Variants in ZNF254 observed in about 807,000 individuals in gnomAD.
ZNF254 encodes CTD-2017D11.1.
Under a neutral mutation model 12.4 loss-of-function variants are expected in ZNF254, and 10 were observed. The ratio of observed to expected loss-of-function variants is 0.80; its 90% CI spans 0.50 to 1.36. The LOEUF (loss-of-function observed/expected upper bound fraction) is 1.36, where lower values mean the gene tolerates loss of function less well. Among genes scored for constraint, ZNF254 ranks in the 40% most tolerant of loss-of-function variants. The pLI is 0.00. For missense variants in ZNF254, 996 were observed against 763.9 expected (o/e 1.30, Z -3.58); for synonymous variants, 305 against 253.4 (o/e 1.20, Z -1.93).
intron 3 of ZNF254, among the ~76,000 whole-genome samples, chr19:24,116,833 T>C (rs1269713755): frequency 6.6e-6 from 1 of 152,132 alleles, no homozygotes; most frequent in East Asian, 1.9e-4. Context: ...TTTTATCTAC[T>C]TTTGGTCTTT....
At position 24,126,365 on chromosome 19, in the gene ZNF254, TAAGAA is replaced by T. The variant is rs761822482; in HGVS notation, c.369_373del (p.Lys124LeufsTer2). ...AAATATGGACATGAGAATTTACAGTTAAGAAAAGGCTGTAAAAGTGTGGATGAGTA... is the reference window on the plus strand; with the variant it reads ...AAATATGGACATGAGAATTTACAGTTAAGGCTGTAAAAGTGTGGATGAGTA... On this transcript the variant is annotated frameshift_variant, in exon 4 of 4. Transcript: ENST00000357002. LOFTEE classifies it low-confidence loss of function (END_TRUNC). 8.1e-6 allele frequency: 13 copies of T among 1,609,376 alleles called. No homozygotes were observed. The highest frequency in any genetic ancestry group is 1.3e-5 in the African/African-American group (1 of 74,672).
At chr19:24,066,145 G>C (rs1271275468) in intron 2 of ZNF254, 1 of 152,130 alleles carries the variant, frequency 6.6e-6, no homozygotes, top group South Asian at 2.1e-4. Context: ...TCCTCATCCA[G>C]GAGATGTGAC....
In ZNF254 at chr19:24,127,233, C is replaced by T. The variant is rs140185339; in HGVS notation, c.1233C>T (p.Cys411=). The T allele has an allele frequency of 5.8e-5, 94 of 1,609,738 alleles. No individual in the cohort carries two copies. Among genetic ancestry groups the T allele is most frequent in the Middle Eastern group, 3.3e-4 (2 of 6,016 alleles). ...AGAAACTCTACAAATGTGAAGAATG[C>T]GGCAAAGGTTTTAATCGATCTTCAA... is the stretch of plus-strand genomic sequence containing the variant. ...VGEKLYKCEE[C]GKGFNRSSNL... is the part of the protein sequence containing the mutation. The change falls in exon 4 of 4, where the codon TGC becomes TGT. Residue 411 remains cysteine, a synonymous_variant. Coordinates refer to ENST00000357002, the MANE Select transcript of ZNF254 (RefSeq NM_203282.4).
intron 3 of ZNF254, among the ~76,000 whole-genome samples, chr19:24,115,664 T>TA (rs1223570901): frequency 5.9e-5 from 9 of 152,082 alleles, no homozygotes; most frequent in Non-Finnish European, 8.8e-5. Flanking sequence ...CCGTAAAACT[T>TA]AAAGTATAAT....
At chr19:24,103,732 C>CT (rs11397560) in intron 1 of ZNF254, 22,860 of 147,198 alleles carry the variant, frequency 0.16, 2,631 homozygotes, top group African/African-American at 0.33. Flanking sequence ...CTTTTTCTTT[C>CT]TTTTTTTTTT....
At chr19:24,050,767 T>A (rs191952023) in intron 2 of ZNF254, among the ~76,000 whole-genome samples, 34 of 152,346 alleles carry the variant, frequency 2.2e-4, no homozygotes, top group Admixed American at 7.8e-4. Flanking sequence ...TTATTTATTT[T>A]TTTAAGACAG....
chr19:24,033,866 G>T (rs1446295207), intron 1 of ZNF254, among the ~76,000 whole-genome samples: 1 of 152,264 alleles, frequency 6.6e-6, no homozygotes, highest in Non-Finnish European at 1.5e-5. Context: ...GTATTTCCCA[G>T]ATTGTTCAGG....
At chr19:24,053,573 AT>A (rs1322365677) in intron 2 of ZNF254, among the ~76,000 whole-genome samples, 4 of 152,030 alleles carry the variant, frequency 2.6e-5, no homozygotes, top group Non-Finnish European at 4.4e-5. Context: ...CCCAGGTGAT[AT>A]GACTTTCCTC....
intron 2 of ZNF254, among the ~76,000 whole-genome samples, chr19:24,059,151 G>A (rs1970975716): frequency 6.6e-6 from 1 of 152,236 alleles, no homozygotes; most frequent in African/African-American, 2.4e-5. Context: ...CCAAGGTGAT[G>A]TGTGTCTCCA....
chr19:24,056,946 C>G (rs1970879777), intron 2 of ZNF254, among the ~76,000 whole-genome samples: 1 of 150,800 alleles, frequency 6.6e-6, no homozygotes, highest in African/African-American at 2.4e-5. Context: ...CACTCCCTAT[C>G]CACAGTGGAG....
At chr19:24,079,491 C>A (rs1971774701) in intron 2 of ZNF254, 1 of 152,218 alleles carries the variant, frequency 6.6e-6, no homozygotes, top group Non-Finnish European at 1.5e-5. Flanking sequence ...ACAGAGGTTG[C>A]AAATGGGGAA....
chr19:24,064,522 T>A (rs1184871739), intron 2 of ZNF254: 1 of 152,000 alleles, frequency 6.6e-6, no homozygotes, highest in Non-Finnish European at 1.5e-5. Flanking sequence ...AATATGTGTT[T>A]TTGTGTTTTT....
intron 2 of ZNF254, among the ~76,000 whole-genome samples, chr19:24,075,430 C>T (rs141822305): frequency 1.3e-3 from 195 of 152,308 alleles, no homozygotes; most frequent in African/African-American, 4.5e-3. Context: ...ATAAATTTTA[C>T]AGCTGGGTCT....
chr19:24,123,538 T>C lies in ZNF254; in HGVS notation c.254-2716T>C, dbSNP rs1387807982. Among the ~76,000 whole-genome samples the C allele has an allele frequency of 1.3e-3, 196 of 152,302 alleles. 1 individual carries two copies. Among genetic ancestry groups the C allele is most frequent in the Non-Finnish European group, 4.4e-5 (3 of 68,010 alleles). On this transcript the variant is annotated intron_variant, in intron 3 of 3. Transcript: ENST00000357002. ...CTATAATTGTATTGCTTTGTATGTGTTTCTTCCATTCTGTCAATATTTGCT... is the reference window on the plus strand; with the variant it reads ...CTATAATTGTATTGCTTTGTATGTGCTTCTTCCATTCTGTCAATATTTGCT...
intron 1 of ZNF254, among the ~76,000 whole-genome samples, chr19:24,038,846 T>TCC (rs951677755): frequency 5.9e-5 from 9 of 152,188 alleles, no homozygotes; most frequent in Non-Finnish European, 8.8e-5. Flanking sequence ...TGTCTTTCTA[T>TCC]CCCCCTGGCA....
chr19:24,115,455 C>T (rs1973985338), intron 3 of ZNF254, among the ~76,000 whole-genome samples: 2 of 130,360 alleles, frequency 1.5e-5, no homozygotes, highest in South Asian at 2.3e-4. Context: ...TATTCCCACT[C>T]ATGGGGGGAA....
chr19:24,084,736 T>A (rs1453483322), upstream of ZNF254, among the ~76,000 whole-genome samples: 1 of 151,946 alleles, frequency 6.6e-6, no homozygotes, highest in Admixed American at 6.6e-5. Flanking sequence ...CAGGCAATCC[T>A]CCTCCCTCCG....
chr19:24,074,309 C>A (rs182741526), intron 2 of ZNF254, among the ~76,000 whole-genome samples: 209 of 152,276 alleles, frequency 1.4e-3, no homozygotes, highest in Middle Eastern at 3.4e-3. Context: ...CTCTTCTCTT[C>A]TAAGTAGGTT....
At position 24,129,713 on chromosome 19, in the gene ZNF254, A is replaced by T. The variant is rs917156790; in HGVS notation, c.*1733A>T. 6.6e-6 allele frequency: 1 copy of T among 152,030 alleles called. No homozygotes were observed. The highest frequency in any genetic ancestry group is 2.4e-5 in the African/African-American group (1 of 41,442). The allele number at this position is 152,030 out of a possible 1,614,324, so 9.4% of individuals were successfully genotyped here. A position where few individuals can be genotyped will look rare whatever the true frequency, so the allele number is the denominator to read the frequency against. ...TATTCTTTTTATTACAAGCAATTCA[A>T]TTGTACACTTTTAGTTATTTTTAAA... On this transcript the variant is annotated 3_prime_UTR_variant, in exon 4 of 4. Transcript: ENST00000357002.
Sources: allele counts gnomAD v4.1 joint callset (sites outside exome capture counted in the v4.1 genomes callset), GRCh38; gene constraint gnomAD v4.1.1; transcripts MANE v1.5; gene names NCBI Gene and HGNC (gene_info 2026-07-23, HGNC 2026-07-21).